The following ABHD12B variants were observed in gnomAD, a reference collection of about 807,000 sequenced individuals.
ABHD12B encodes the protein protein ABHD12B.
A neutral mutation model predicts 50.4 loss-of-function variants in ABHD12B; 42 were observed. The observed-to-expected ratio is 0.83, with a 90% confidence interval of 0.65 to 1.08. The LOEUF (loss-of-function observed/expected upper bound fraction) is 1.08. Among genes scored for constraint, ABHD12B ranks in the 50% least tolerant of loss-of-function variants. The pLI is 0.00. For missense variants in ABHD12B, 479 were observed against 447.7 expected, an observed-to-expected ratio of 1.07 and a Z score of -0.63; for synonymous variants, 167 against 160.3, an observed-to-expected ratio of 1.04 and a Z score of -0.32.
intron 9 of ABHD12B, among the ~76,000 whole-genome samples, chr14:50,889,842 T>C (rs1413473830): frequency 6.6e-6 from 1 of 152,226 alleles, no homozygotes; most frequent in African/African-American, 2.4e-5. Flanking sequence ...GTAAGACATC[T>C]TGGAGTATGT....
chr14:50,875,352 C>T (rs1162631571), intron 1 of ABHD12B, among the ~76,000 whole-genome samples: 1 of 152,156 alleles, frequency 6.6e-6, no homozygotes, highest in Non-Finnish European at 1.5e-5. Flanking sequence ...GTTGAAGGTA[C>T]CTGTCTTAAT....
At chr14:50,875,961 G>T (rs573914741) in intron 1 of ABHD12B, among the ~76,000 whole-genome samples, 8 of 152,314 alleles carry the variant, frequency 5.3e-5, no homozygotes, top group African/African-American at 1.7e-4. Context: ...AGGCAGGGTG[G>T]AGGTGAGTGA....
At chr14:50,880,607 G>A (rs947805856) in intron 4 of ABHD12B, 36 bp downstream of exon 4, 30 of 1,512,470 alleles carry the variant, frequency 2.0e-5, no homozygotes, top group Non-Finnish European at 2.7e-5. Flanking sequence ...TTTTTCAGGA[G>A]ATTGAGAGCA....
intron 2 of ABHD12B, 105 bp downstream of exon 2, chr14:50,878,184 T>C (rs1397469022): frequency 3.8e-6 from 4 of 1,049,212 alleles, no homozygotes; most frequent in African/African-American, 1.6e-5. Context: ...AGCTGTAAAA[T>C]TGTGGTTAGA....
chr14:50,902,237 CT>C (rs1386443978), intron 10 of ABHD12B, among the ~76,000 whole-genome samples: 1 of 152,096 alleles, frequency 6.6e-6, no homozygotes, highest in Non-Finnish European at 1.5e-5. Context: ...AATCCTAGCA[CT>C]TTGGGAGGCT....
At chr14:50,883,339 C>A (rs1358137790) in intron 5 of ABHD12B, among the ~76,000 whole-genome samples, 1 of 152,200 alleles carries the variant, frequency 6.6e-6, no homozygotes, top group African/African-American at 2.4e-5. Context: ...GTACCAGTAT[C>A]TCCAGTGCTT....
At chr14:50,897,256 TAG>T (rs1335453531) in intron 9 of ABHD12B, among the ~76,000 whole-genome samples, 6 of 152,094 alleles carry the variant, frequency 3.9e-5, no homozygotes, top group African/African-American at 1.4e-4. Context: ...GCATTTTTAG[TAG>T]AGACAGGGTT....
rs774076872 is a variant in ABHD12B, at chr14:50,904,391, A to G, written c.*25A>G. 8 of 1,613,682 alleles carry G rather than the reference A, an allele frequency of 5.0e-6. No homozygotes were observed. The highest frequency in any genetic ancestry group is 5.9e-6 in the Non-Finnish European group (7 of 1,179,848). ...AGTCTGGGAGGAGTGGAAATCTTCA[A>G]TGAAGACTTGGCCCAAACACCACCT... On this transcript the variant is annotated 3_prime_UTR_variant, in exon 13 of 13. Coordinates refer to ENST00000337334, the MANE Select transcript of ABHD12B (RefSeq NM_001206673.2).
intron 8 of ABHD12B, among the ~76,000 whole-genome samples, chr14:50,888,191 A>G (rs1022602843): frequency 1.5e-4 from 23 of 148,822 alleles, no homozygotes; most frequent in African/African-American, 5.2e-4. Flanking sequence ...GTCTTCCTGT[A>G]GTACTTTGCT....
In ABHD12B at chr14:50,884,739, C is replaced by T. The variant is rs537527228; in HGVS notation, c.487-875C>T. Among the ~76,000 whole-genome samples the T allele has an allele frequency of 1.9e-4, 23 of 120,446 alleles. 1 individual carries two copies. The highest frequency in any genetic ancestry group is 7.5e-4 in the East Asian group (3 of 3,998). 79.0% of individuals were successfully genotyped at this position (120,446 alleles called of 152,430 possible). On this transcript the variant is annotated intron_variant, in intron 5 of 12. Coordinates refer to ENST00000337334, the MANE Select transcript of ABHD12B (RefSeq NM_001206673.2). ...TTTTTTTTTTTTTTTTTTTTTGAGA[C>T]AGAGTCTCTGTTGCCCAGGCTGGAG...
chr14:50,872,112 G>C lies in ABHD12B; in HGVS notation c.-63G>C, dbSNP rs1347159896. 2 of 1,160,458 alleles carry C rather than the reference G, an allele frequency of 1.7e-6. No individual in the cohort carries two copies. The highest frequency in any genetic ancestry group is 3.2e-5 in the African/African-American group (2 of 62,144). The allele number at this position is 1,160,458 out of a possible 1,614,324, so 71.9% of individuals were successfully genotyped here. A position where few individuals can be genotyped will look rare whatever the true frequency, so the allele number is the denominator to read the frequency against. On this transcript the variant is annotated 5_prime_UTR_variant, in exon 1 of 13. Coordinates refer to ENST00000337334, the MANE Select transcript of ABHD12B (RefSeq NM_001206673.2). ...GCGGTGCCGCCGGGGCGGGAAGGTC[G>C]CGGGCGGCTGCTCCGGACTGCAGCT...
chr14:50,881,740 C>A lies in ABHD12B; in HGVS notation c.486+114C>A. The A allele has an allele frequency of 3.1e-6, 4 of 1,298,772 alleles. No individual in the cohort carries two copies. In the South Asian group the frequency reaches 3.7e-5, roughly 12 times the overall value. 80.5% of individuals were successfully genotyped at this position (1,298,772 alleles called of 1,614,324 possible). A position where few individuals can be genotyped will look rare whatever the true frequency, so the allele number is the denominator to read the frequency against. The stretch of plus-strand genomic sequence containing the variant: ...TTTGAGAGGTCTCCAGGGTACTGGT[C>A]AGGGTGGGTTGTGGTGTCTGGGGCT... On this transcript the variant is annotated intron_variant, in intron 5 of 12. Transcript: ENST00000337334.
chr14:50,903,533 C>T (rs1160261099), intron 11 of ABHD12B, 66 bp downstream of exon 11: 1 of 1,396,262 alleles, frequency 7.2e-7, no homozygotes, highest in African/African-American at 1.4e-5. Flanking sequence ...TTCATTCAGC[C>T]AAACTTTGAT....
chr14:50,892,134 T>G (rs929672800), intron 9 of ABHD12B: 2 of 152,398 alleles, frequency 1.3e-5, no homozygotes, highest in African/African-American at 4.8e-5. Flanking sequence ...ACTTGGTATC[T>G]TTCTAACATT....
At chr14:50,885,946 G>C in intron 7 of ABHD12B, 51 bp downstream of exon 7, 1 of 1,608,082 alleles carries the variant, frequency 6.2e-7, no homozygotes, top group Non-Finnish European at 8.5e-7. Flanking sequence ...AGGCTTTAGT[G>C]TCCTATCAAA....
chr14:50,894,893 T>G (rs2050173949), intron 9 of ABHD12B, among the ~76,000 whole-genome samples: 1 of 148,716 alleles, frequency 6.7e-6, no homozygotes, highest in South Asian at 2.1e-4. Flanking sequence ...TTCCTCAGCC[T>G]CTGCTCCTCC....
intron 7 of ABHD12B, 94 bp downstream of exon 7, chr14:50,885,989 C>A: frequency 6.5e-7 from 1 of 1,548,780 alleles, no homozygotes; most frequent in South Asian, 1.2e-5. Context: ...AGCACCGAGC[C>A]AGAAGACAGG....
At chr14:50,900,349 A>C (rs534980173) in intron 9 of ABHD12B, among the ~76,000 whole-genome samples, 1 of 152,360 alleles carries the variant, frequency 6.6e-6, no homozygotes, top group South Asian at 2.1e-4. Context: ...CAATAGACTC[A>C]TTTTGTCTTT....
chr14:50,890,580 A>G (rs1163963113), intron 9 of ABHD12B, among the ~76,000 whole-genome samples: 1 of 152,068 alleles, frequency 6.6e-6, no homozygotes. Context: ...AATATATTTT[A>G]TTTTTTTCAC....
Sources: gnomAD v4.1 joint callset for allele counts (sites outside exome capture counted in the v4.1 genomes callset) on GRCh38, gnomAD v4.1.1 for gene constraint, MANE v1.5 for transcripts, NCBI Gene and HGNC (gene_info 2026-07-23, HGNC 2026-07-21) for gene names.